Variants in GATAD2B observed in about 807,000 individuals in gnomAD.
The protein encoded by GATAD2B is transcriptional repressor p66-beta.
GATAD2B carries 8 observed loss-of-function variants against 64.3 expected under a neutral mutation model. The observed-to-expected ratio is 0.12, with a 90% confidence interval of 0.07 to 0.22. The LOEUF (loss-of-function observed/expected upper bound fraction) is 0.22, where lower values mean the gene tolerates loss of function less well. Ranked by LOEUF, GATAD2B falls within the 10% of genes least tolerant of loss-of-function variation. The pLI is 1.00. For missense variants in GATAD2B, 453 were observed against 752.0 expected (o/e 0.60, Z 4.65); for synonymous variants, 281 against 271.3 (o/e 1.04, Z -0.35).
In GATAD2B at chr1:153,852,958, A is replaced by G. The variant is rs558366450; in HGVS notation, c.-1-24610T>C. 1.3e-4 allele frequency: 117 copies of G among 892,976 alleles called. No individual in the cohort carries two copies. The East Asian group carries it at 2.7e-3, about 21-fold the overall frequency. The allele number at this position is 892,976 out of a possible 1,614,324, so 55.3% of individuals were successfully genotyped here. A position where few individuals can be genotyped will look rare whatever the true frequency, so the allele number is the denominator to read the frequency against. On this transcript the variant is annotated intron_variant, in intron 1 of 10. Transcript: ENST00000368655. ...TAAGCTTGTGTTAATGCTGCCACTG[A>G]CACAGACTTGGGTCTTCTCCACAGT...
intron 1 of GATAD2B, among the ~76,000 whole-genome samples, chr1:153,841,526 C>G (rs1675496592): frequency 6.6e-6 from 1 of 152,184 alleles, no homozygotes; most frequent in Non-Finnish European, 1.5e-5. Flanking sequence ...GCTTTTCAAA[C>G]TATTATAAAG....
At chr1:153,838,432 G>A (rs934450992) in intron 1 of GATAD2B, among the ~76,000 whole-genome samples, 4 of 151,960 alleles carry the variant, frequency 2.6e-5, no homozygotes, top group African/African-American at 9.7e-5. Flanking sequence ...TTGAGATGGA[G>A]TTTTTGCTCT....
intron 1 of GATAD2B, among the ~76,000 whole-genome samples, chr1:153,854,527 GCA>G (rs1466608216): frequency 6.6e-6 from 1 of 152,130 alleles, no homozygotes; most frequent in Non-Finnish European, 1.5e-5. Flanking sequence ...TCTTTCATTT[GCA>G]GTCCCTGAGA....
chr1:153,880,003 AT>A (rs2101938668), intron 1 of GATAD2B, among the ~76,000 whole-genome samples: 1 of 152,272 alleles, frequency 6.6e-6, no homozygotes, highest in African/African-American at 2.4e-5. Context: ...AGAATACCGC[AT>A]TTTGATAATA....
chr1:153,882,591 T>C (rs1570986129), intron 1 of GATAD2B, among the ~76,000 whole-genome samples: 1 of 150,380 alleles, frequency 6.6e-6, no homozygotes, highest in Non-Finnish European at 1.5e-5. Context: ...TTGTTATGTA[T>C]ATTTTACTGC....
rs569216539 is a variant in GATAD2B, at chr1:153,865,767, C to G, written c.-1-37419G>C. Reference sequence around the variant, plus strand: ...AGCCTATAAGGGTAACCACATTTTGCTCTTTAGAGAAACAAGAGCTGAGAG... The same window carrying G: ...AGCCTATAAGGGTAACCACATTTTGGTCTTTAGAGAAACAAGAGCTGAGAG... On this transcript the variant is annotated intron_variant, in intron 1 of 10. Transcript: ENST00000368655. Among the ~76,000 whole-genome samples, 177 of 152,294 alleles carry G rather than the reference C, an allele frequency of 1.2e-3. 1 individual carries two copies. Among genetic ancestry groups the G allele is most frequent in the South Asian group, 3.3e-3 (16 of 4,822 alleles).
chr1:153,890,380 C>CAG (rs1677337940), intron 1 of GATAD2B, among the ~76,000 whole-genome samples: 1 of 149,324 alleles, frequency 6.7e-6, no homozygotes, highest in South Asian at 2.1e-4. Context: ...CCCAGCTACT[C>CAG]AGGAGGCTGA....
chr1:153,847,543 C>T (rs900474956), intron 1 of GATAD2B, among the ~76,000 whole-genome samples: 6 of 152,030 alleles, frequency 3.9e-5, no homozygotes, highest in Admixed American at 6.6e-5. Flanking sequence ...TCACTGAGCC[C>T]GGCCTAATTT....
intron 1 of GATAD2B, among the ~76,000 whole-genome samples, chr1:153,841,878 G>A (rs1675509574): frequency 6.6e-6 from 1 of 152,210 alleles, no homozygotes; most frequent in African/African-American, 2.4e-5. Context: ...GTTTTCCAGA[G>A]TAGCTATACC....
chr1:153,896,434 T>C (rs1475799139), intron 1 of GATAD2B, among the ~76,000 whole-genome samples: 1 of 66,864 alleles, frequency 1.5e-5, no homozygotes, highest in African/African-American at 4.5e-5. Flanking sequence ...TAAAATTTTC[T>C]TTTTTTTTTT....
chr1:153,850,520 G>A (rs1570957875), intron 1 of GATAD2B, among the ~76,000 whole-genome samples: 2 of 152,166 alleles, frequency 1.3e-5, no homozygotes, highest in South Asian at 2.1e-4. Context: ...GGGTGGTCTC[G>A]AACTCCTGAC....
At chr1:153,913,641 G>A (rs1678168825) in intron 1 of GATAD2B, among the ~76,000 whole-genome samples, 1 of 152,198 alleles carries the variant, frequency 6.6e-6, no homozygotes, top group African/African-American at 2.4e-5. Flanking sequence ...GGCCTAAGCT[G>A]GGTGCTGTGG....
At chr1:153,907,455 TATAGA>T (rs1677983198) in intron 1 of GATAD2B, among the ~76,000 whole-genome samples, 1 of 152,160 alleles carries the variant, frequency 6.6e-6, no homozygotes, top group African/African-American at 2.4e-5. Flanking sequence ...TAGTCAAATT[TATAGA>T]AACAAAGTAG....
intron 1 of GATAD2B, among the ~76,000 whole-genome samples, chr1:153,845,228 G>A (rs993241277): frequency 6.6e-6 from 1 of 151,960 alleles, no homozygotes; most frequent in African/African-American, 2.4e-5. Context: ...AAAAAACTCA[G>A]AAATACACCC....
At chr1:153,874,869 A>T (rs760818021) in intron 1 of GATAD2B, among the ~76,000 whole-genome samples, 17 of 148,700 alleles carry the variant, frequency 1.1e-4, no homozygotes, top group Admixed American at 5.4e-4. Flanking sequence ...GAGCCACCAC[A>T]TCCAGCCTAT....
chr1:153,821,154 T>A (rs373846606), intron 2 of GATAD2B, among the ~76,000 whole-genome samples: 1 of 151,838 alleles, frequency 6.6e-6, no homozygotes, highest in African/African-American at 2.4e-5. Flanking sequence ...GCTAATTTTT[T>A]ATTTTTTTGT....
Position 153,818,160 on chromosome 1 carries a change from T to A in GATAD2B, c.609A>T (p.Val203=). 2 of 1,606,700 alleles carry A rather than the reference T, an allele frequency of 1.2e-6. No homozygotes were observed. The highest frequency in any genetic ancestry group is 1.7e-6 in the Non-Finnish European group (2 of 1,177,066). The part of the protein sequence containing the change: ...KENVVQKTPV[V]QNAASIVQPS... ...GCTGAACAATAGATGCTGCATTCTG[T>A]ACAACTGGAGTCTGGGAGAGGGAAG... Residue 203 remains valine (V), a synonymous_variant, in exon 5 of 11, where the codon GTA becomes GTT. Transcript: ENST00000368655.
intron 1 of GATAD2B, among the ~76,000 whole-genome samples, chr1:153,877,053 G>C (rs868164005): frequency 1.6e-4 from 24 of 152,064 alleles, no homozygotes; most frequent in African/African-American, 5.3e-4. Flanking sequence ...TAGAGTGAAA[G>C]GTTCTTTGCA....
intron 1 of GATAD2B, among the ~76,000 whole-genome samples, chr1:153,861,640 G>A (rs948267516): frequency 5.4e-5 from 8 of 149,332 alleles, no homozygotes; most frequent in African/African-American, 2.0e-4. Flanking sequence ...AAAATTAGCC[G>A]GGCGTGGTGG....
Sources: allele counts gnomAD v4.1 joint callset (sites outside exome capture counted in the v4.1 genomes callset), GRCh38; gene constraint gnomAD v4.1.1; transcripts MANE v1.5; gene names NCBI Gene and HGNC (gene_info 2026-07-23, HGNC 2026-07-21).